ZSCAN5A: variants seen among roughly 807,000 people sequenced by gnomAD.
ZSCAN5A encodes zinc finger and SCAN domain-containing protein 5A.
Under a neutral mutation model 23.7 loss-of-function variants are expected in ZSCAN5A, and 12 were observed. The ratio of observed to expected loss-of-function variants is 0.51; its 90% CI spans 0.32 to 0.82. The LOEUF is 0.82. Among genes scored for constraint, ZSCAN5A ranks in the 40% least tolerant of loss-of-function variants. The pLI is 0.03. For missense variants in ZSCAN5A, 597 were observed against 617.9 expected (o/e 0.97, Z 0.36); for synonymous variants, 257 against 239.9 (o/e 1.07, Z -0.66).
intron 2 of ZSCAN5A, among the ~76,000 whole-genome samples, chr19:56,240,589 G>C (rs1224186580): frequency 6.6e-6 from 1 of 152,254 alleles, no homozygotes; most frequent in South Asian, 2.1e-4. Context: ...CATGCAGGGG[G>C]GTTAGTTTCA....
intron 2 of ZSCAN5A, among the ~76,000 whole-genome samples, chr19:56,297,227 C>A (rs887041323): frequency 5.3e-5 from 8 of 152,176 alleles, no homozygotes; most frequent in Admixed American, 3.3e-4. Context: ...TCCCTGGGAT[C>A]CAGGGACACA....
chr19:56,337,582 C>T (rs73052189), intron 2 of ZSCAN5A, among the ~76,000 whole-genome samples: 6,704 of 152,120 alleles, frequency 0.044, 148 homozygotes, highest in South Asian at 0.11. Context: ...TGCACTGCAC[C>T]GCACCCACTG....
At chr19:56,266,646 A>G (rs1293631070) in intron 2 of ZSCAN5A, 1 of 151,720 alleles carries the variant, frequency 6.6e-6, no homozygotes, top group Non-Finnish European at 1.5e-5. Context: ...TGCCCGGCTA[A>G]TTTTTTGTAA....
At chr19:56,333,773 GCT>G (rs1427686047) in intron 2 of ZSCAN5A, among the ~76,000 whole-genome samples, 2 of 151,942 alleles carry the variant, frequency 1.3e-5, no homozygotes, top group African/African-American at 4.8e-5. Flanking sequence ...AGTCCATAGG[GCT>G]ATAAAAGCAA....
chr19:56,271,776 A>T (rs1356511721), intron 2 of ZSCAN5A, among the ~76,000 whole-genome samples: 2 of 152,164 alleles, frequency 1.3e-5, no homozygotes, highest in East Asian at 3.8e-4. Context: ...GGCTTGAAGG[A>T]AGTACCATAG....
intron 5 of ZSCAN5A, 99 bp from the exon 6 acceptor site, chr19:56,222,425 CA>C: frequency 6.4e-7 from 1 of 1,566,454 alleles, no homozygotes; most frequent in Non-Finnish European, 8.6e-7. Flanking sequence ...AACTTCCGCT[CA>C]AGCTCAAGCC....
intron 2 of ZSCAN5A, chr19:56,247,192 GTCC>G: frequency 8.6e-5 from 48 of 559,518 alleles, no homozygotes; most frequent in South Asian, 4.0e-4. Flanking sequence ...AGACCTCCGC[GTCC>G]ACCAGCGAAT....
intron 2 of ZSCAN5A, among the ~76,000 whole-genome samples, chr19:56,269,458 T>G (rs940191908): frequency 6.6e-6 from 1 of 152,196 alleles, no homozygotes; most frequent in African/African-American, 2.4e-5. Flanking sequence ...ATCTGACTCC[T>G]GGAACCTGGG....
At chr19:56,302,128 T>C in intron 2 of ZSCAN5A, 1 of 1,226,878 alleles carries the variant, frequency 8.2e-7, no homozygotes, top group East Asian at 3.2e-5. Flanking sequence ...GGGAGGAGTG[T>C]GAGGAGAGGA....
intron 2 of ZSCAN5A, among the ~76,000 whole-genome samples, chr19:56,289,488 C>G (rs2039369520): frequency 6.6e-6 from 1 of 152,192 alleles, no homozygotes; most frequent in South Asian, 2.1e-4. Context: ...AGAGAGACCC[C>G]TCTTCCCATG....
chr19:56,259,969 G>C (rs1299474404), intron 2 of ZSCAN5A, among the ~76,000 whole-genome samples: 1 of 152,204 alleles, frequency 6.6e-6, no homozygotes, highest in Non-Finnish European at 1.5e-5. Context: ...GCGAGACCTT[G>C]TTTTAAAAAA....
intron 2 of ZSCAN5A, among the ~76,000 whole-genome samples, chr19:56,238,942 A>G (rs113928815): frequency 0.012 from 1,768 of 152,320 alleles, 37 homozygotes; most frequent in African/African-American, 0.041. Flanking sequence ...ATTCCACTTA[A>G]TAACTCCATT....
intron 2 of ZSCAN5A, among the ~76,000 whole-genome samples, chr19:56,234,266 A>C (rs963460435): frequency 1.3e-5 from 2 of 152,212 alleles, no homozygotes; most frequent in Admixed American, 6.5e-5. Flanking sequence ...AGTTCTCTTG[A>C]AGAGTACAGA....
intron 2 of ZSCAN5A, chr19:56,243,937 C>G (rs2035633526): frequency 1.7e-6 from 1 of 572,000 alleles, no homozygotes; most frequent in Non-Finnish European, 3.1e-6. Flanking sequence ...AACAGTGAAT[C>G]TATTATTGAG....
In ZSCAN5A at chr19:56,284,513, A is replaced by ATTTTTT. The variant is rs11374260; in HGVS notation, c.-128+28764_-128+28769dup. Among the ~76,000 whole-genome samples, 47 of 118,330 alleles carry ATTTTTT rather than the reference A, an allele frequency of 4.0e-4. 2 individuals are homozygous for ATTTTTT. In the South Asian group the frequency reaches 8.1e-3, roughly 20 times the overall value. 77.6% of individuals were successfully genotyped at this position (118,330 alleles called of 152,430 possible). A position where few individuals can be genotyped will look rare whatever the true frequency, so the allele number is the denominator to read the frequency against. On this transcript the variant is annotated intron_variant, in intron 2 of 5. Coordinates refer to ENST00000683990, the MANE Select transcript of ZSCAN5A (RefSeq NM_001322064.3). ...TTAGAGACAAGTGATGCTTGCTGTA[A>ATTTTTT]TTTTTTTTTTTTTTTTTTTTTGAGA...
rs950733727 is a variant in ZSCAN5A at position 56,308,283 on chromosome 19, C to T, written c.-128+5000G>A. ...TCTTGACCTTGTGATCCGCCCGCCT[C>T]GGCCTCCCAAAGTGCTGGGATTACA... On this transcript the variant is annotated intron_variant, in intron 2 of 5. Transcript: ENST00000683990. Among the ~76,000 whole-genome samples, 9 of 152,002 alleles carry T rather than the reference C, an allele frequency of 5.9e-5. No individual in the cohort carries two copies. The South Asian group carries it at 6.2e-4, about 10-fold the overall frequency.
chr19:56,240,360 C>T (rs751864354), intron 2 of ZSCAN5A, among the ~76,000 whole-genome samples: 31 of 152,250 alleles, frequency 2.0e-4, no homozygotes, highest in South Asian at 2.1e-4. Flanking sequence ...GAAATGTAAT[C>T]AACTCGGATC....
chr19:56,358,892 A>C (rs1487461368), intron 2 of ZSCAN5A, among the ~76,000 whole-genome samples: 1 of 152,238 alleles, frequency 6.6e-6, no homozygotes, highest in African/African-American at 2.4e-5. Context: ...CGAAGAGACA[A>C]CATACCAGAC....
chr19:56,337,549 G>A (rs1446452152), intron 2 of ZSCAN5A, among the ~76,000 whole-genome samples: 3 of 152,176 alleles, frequency 2.0e-5, no homozygotes, highest in African/African-American at 4.8e-5. Context: ...GCGATGCCTC[G>A]CCCTGCTTCA....
Sources: allele counts gnomAD v4.1 joint callset (sites outside exome capture counted in the v4.1 genomes callset), GRCh38; gene constraint gnomAD v4.1.1; transcripts MANE v1.5; gene names NCBI Gene and HGNC (gene_info 2026-07-23, HGNC 2026-07-21).